The following OXR1 variants were observed in gnomAD, a reference collection of about 807,000 sequenced individuals.
The protein encoded by OXR1 is oxidation resistance 1.
OXR1 carries 41 observed loss-of-function variants against 104.6 expected under a neutral mutation model. That is an observed-to-expected ratio of 0.39 (90% confidence interval 0.31 to 0.51). The LOEUF (loss-of-function observed/expected upper bound fraction) is 0.51. Among genes scored for constraint, OXR1 ranks in the 20% least tolerant of loss-of-function variants. OXR1 has a pLI of 0.77. For synonymous variants in OXR1, 348 were observed against 348.4 expected, an observed-to-expected ratio of 1.00 and a Z score of 0.01; for missense variants, 955 against 1,031.9, an observed-to-expected ratio of 0.93 and a Z score of 1.02.
At chr8:106,505,468 A>C (rs116188885) in intron 2 of OXR1, among the ~76,000 whole-genome samples, 1 of 152,130 alleles carries the variant, frequency 6.6e-6, no homozygotes, top group African/African-American at 2.4e-5. Flanking sequence ...TGAGAGAGAC[A>C]GAACAAAGTG....
chr8:106,301,377 A>G (rs1056932415), intron 1 of OXR1, among the ~76,000 whole-genome samples: 1 of 152,124 alleles, frequency 6.6e-6, no homozygotes, highest in Admixed American at 6.5e-5. Context: ...TGCTTTTTCT[A>G]TTTTGATTGA....
At chr8:106,327,189 A>G (rs1814503985) in intron 1 of OXR1, among the ~76,000 whole-genome samples, 1 of 152,070 alleles carries the variant, frequency 6.6e-6, no homozygotes, top group Non-Finnish European at 1.5e-5. Context: ...CTATATTTTT[A>G]TTTGACAGAA....
intron 2 of OXR1, among the ~76,000 whole-genome samples, chr8:106,373,636 C>T (rs1008517273): frequency 7.2e-5 from 11 of 152,302 alleles, no homozygotes; most frequent in Middle Eastern, 3.4e-3. Flanking sequence ...GTCACCCAGG[C>T]TGGAGTGCAA....
chr8:106,389,860 G>A (rs1817525504), intron 2 of OXR1, among the ~76,000 whole-genome samples: 1 of 152,150 alleles, frequency 6.6e-6, no homozygotes, highest in African/African-American at 2.4e-5. Flanking sequence ...GAGGTCAGGA[G>A]TTCGAGACCA....
intron 3 of OXR1, chr8:106,657,815 G>A: frequency 8.1e-7 from 1 of 1,232,810 alleles, no homozygotes; most frequent in Non-Finnish European, 1.0e-6. Context: ...CTGATGGTCC[G>A]TCCCCGGGCA....
intron 2 of OXR1, among the ~76,000 whole-genome samples, chr8:106,437,624 C>T (rs1819630794): frequency 6.6e-6 from 1 of 152,122 alleles, no homozygotes; most frequent in South Asian, 2.1e-4. Flanking sequence ...AAACCAGGAT[C>T]ATGATCCCAA....
Position 106,739,588 on chromosome 8 carries a change from G to A in OXR1, c.2163+5G>A, listed in dbSNP as rs760185933. 2.5e-6 allele frequency: 4 copies of A among 1,612,666 alleles called. No homozygotes were observed. Among genetic ancestry groups the A allele is most frequent in the Non-Finnish European group, 3.4e-6 (4 of 1,179,426 alleles). ...CTGCCAGATCAAATTGAAAAGGTAT[G>A]ACATGCTCACATATGTGCATTTCTG... On this transcript the variant is annotated splice_donor_5th_base_variant and intron_variant, in intron 13 of 16. Transcript: ENST00000517566.
intron 3 of OXR1, among the ~76,000 whole-genome samples, chr8:106,578,935 A>G (rs1363481922): frequency 6.7e-6 from 1 of 149,656 alleles, no homozygotes; most frequent in African/African-American, 2.5e-5. Flanking sequence ...AACCACTGCT[A>G]TAGTGGCATC....
At chr8:106,672,219 T>C (rs1170386722) in intron 3 of OXR1, among the ~76,000 whole-genome samples, 1 of 151,830 alleles carries the variant, frequency 6.6e-6, no homozygotes, top group Non-Finnish European at 1.5e-5. Flanking sequence ...GGCTCATGCC[T>C]GTAATTCCAA....
intron 1 of OXR1, among the ~76,000 whole-genome samples, chr8:106,290,493 CAATA>C (rs1393234730): frequency 1.3e-5 from 2 of 152,064 alleles, no homozygotes; most frequent in Non-Finnish European, 2.9e-5. Flanking sequence ...AAGAAACTAT[CAATA>C]AAGTAAACAG....
chr8:106,450,587 C>G (rs923543870), intron 2 of OXR1, among the ~76,000 whole-genome samples: 1 of 152,124 alleles, frequency 6.6e-6, no homozygotes, highest in Non-Finnish European at 1.5e-5. Flanking sequence ...TTGGCTGATG[C>G]AGCAGCAGTG....
intron 2 of OXR1, among the ~76,000 whole-genome samples, chr8:106,512,935 C>G (rs1449489249): frequency 6.6e-6 from 1 of 152,154 alleles, no homozygotes; most frequent in Non-Finnish European, 1.5e-5. Context: ...GAGAAACCCT[C>G]CACAGTGAGC....
intron 2 of OXR1, among the ~76,000 whole-genome samples, chr8:106,420,884 C>T (rs890932968): frequency 2.0e-5 from 3 of 151,862 alleles, no homozygotes; most frequent in Non-Finnish European, 2.9e-5. Context: ...GGATAGATGA[C>T]CTACAATGAA....
intron 3 of OXR1, among the ~76,000 whole-genome samples, chr8:106,646,876 T>C (rs1484375344): frequency 6.6e-6 from 1 of 152,248 alleles, no homozygotes; most frequent in Admixed American, 6.5e-5. Flanking sequence ...TAAAGCTTTA[T>C]TGAGTTTTCA....
At chr8:106,707,604 C>T (rs1222023097) in intron 9 of OXR1, 3 of 187,920 alleles carry the variant, frequency 1.6e-5, no homozygotes, top group Non-Finnish European at 3.2e-5. Context: ...AATTCTTCCA[C>T]GTATCGAGAA....
intron 7 of OXR1, among the ~76,000 whole-genome samples, chr8:106,700,962 C>T (rs1830535553): frequency 6.6e-6 from 1 of 151,644 alleles, no homozygotes; most frequent in Non-Finnish European, 1.5e-5. Context: ...AGATCAGAAA[C>T]CTTTAAAGTT....
intron 2 of OXR1, among the ~76,000 whole-genome samples, chr8:106,363,542 T>A (rs906498821): frequency 6.6e-6 from 1 of 152,128 alleles, no homozygotes; most frequent in Non-Finnish European, 1.5e-5. Context: ...TGTATATTAT[T>A]TTCTGCATAT....
intron 2 of OXR1, among the ~76,000 whole-genome samples, chr8:106,409,693 G>A (rs974328463): frequency 5.3e-5 from 8 of 152,102 alleles, no homozygotes; most frequent in African/African-American, 7.2e-5. Context: ...TTATTTTAGC[G>A]GGATGATATA....
chr8:106,728,476 TTTTG>T (rs1268208733), intron 11 of OXR1, among the ~76,000 whole-genome samples: 2 of 152,168 alleles, frequency 1.3e-5, no homozygotes, highest in African/African-American at 4.8e-5. Flanking sequence ...AACCAGATTG[TTTTG>T]TTTTATAAGT....
Sources: gnomAD v4.1 joint callset for allele counts (sites outside exome capture counted in the v4.1 genomes callset) on GRCh38, gnomAD v4.1.1 for gene constraint, MANE v1.5 for transcripts, NCBI Gene and HGNC (gene_info 2026-07-23, HGNC 2026-07-21) for gene names.